The following CEP128 variants were observed in gnomAD, a reference collection of about 807,000 sequenced individuals.
CEP128 encodes the protein centrosomal protein 128, also known as centrosomal protein 128kDa.
Under a neutral mutation model 156.7 loss-of-function variants are expected in CEP128, and 132 were observed. That is an observed-to-expected ratio of 0.84 (90% CI 0.73 to 0.97). The LOEUF (loss-of-function observed/expected upper bound fraction) is 0.97, where lower values mean the gene tolerates loss of function less well. CEP128 is among the 50% of genes least tolerant of loss of function. CEP128 has a pLI of 0.00. For synonymous variants in CEP128, 469 were observed against 448.9 expected, an observed-to-expected ratio of 1.04 and a Z score of -0.57; for missense variants, 1,252 against 1,281.9, an observed-to-expected ratio of 0.98 and a Z score of 0.36.
intron 17 of CEP128, among the ~76,000 whole-genome samples, chr14:80,758,500 G>T (rs1375135681): frequency 6.7e-6 from 1 of 150,110 alleles, no homozygotes; most frequent in Admixed American, 6.7e-5. Context: ...CCAGTCTGGG[G>T]GACAAGAGAG....
intron 8 of CEP128, among the ~76,000 whole-genome samples, chr14:80,879,058 C>T (rs1269260169): frequency 6.6e-6 from 1 of 152,204 alleles, no homozygotes; most frequent in Non-Finnish European, 1.5e-5. Flanking sequence ...GCCTAGACCA[C>T]TGAGGCTCTG....
chr14:80,765,308 T>C (rs1191687412), intron 16 of CEP128, among the ~76,000 whole-genome samples: 1 of 152,232 alleles, frequency 6.6e-6, no homozygotes, highest in African/African-American at 2.4e-5. Flanking sequence ...ATGTGCTGAC[T>C]AAGCAAGCAC....
chr14:80,597,010 C>T (rs527617763), intron 19 of CEP128, among the ~76,000 whole-genome samples: 5 of 130,334 alleles, frequency 3.8e-5, no homozygotes, highest in African/African-American at 1.4e-4. Context: ...ACCTCAAGAA[C>T]CTTAAAAAAA....
chr14:80,748,200 C>T (rs186620675), intron 18 of CEP128, among the ~76,000 whole-genome samples: 1 of 152,254 alleles, frequency 6.6e-6, no homozygotes, highest in Admixed American at 6.5e-5. Flanking sequence ...TTGGGCTGTG[C>T]ACTTCCAATT....
intron 19 of CEP128, among the ~76,000 whole-genome samples, chr14:80,678,049 A>AAAAAAAAATATAT: frequency 1.0e-5 from 1 of 98,502 alleles, no homozygotes; most frequent in African/African-American, 3.2e-5. Context: ...ATAAAAAAAA[A>AAAAAAAAATATAT]ATATATATAT....
chr14:80,580,740 C>T (rs765936734), intron 19 of CEP128, among the ~76,000 whole-genome samples: 1 of 152,008 alleles, frequency 6.6e-6, no homozygotes, highest in South Asian at 2.1e-4. Context: ...TGGTCTCATG[C>T]TTATATAACT....
chr14:80,704,350 A>G (rs1423654797), intron 19 of CEP128, among the ~76,000 whole-genome samples: 1 of 152,108 alleles, frequency 6.6e-6, no homozygotes, highest in Non-Finnish European at 1.5e-5. Context: ...AAAAGATGCA[A>G]CATATTGTAT....
chr14:80,589,449 C>T (rs1315277653), intron 19 of CEP128, among the ~76,000 whole-genome samples: 1 of 151,974 alleles, frequency 6.6e-6, no homozygotes, highest in Non-Finnish European at 1.5e-5. Flanking sequence ...TATGGTATGC[C>T]ACATTCAATG....
At chr14:80,671,938 C>A (rs1415556196) in intron 19 of CEP128, among the ~76,000 whole-genome samples, 2 of 151,942 alleles carry the variant, frequency 1.3e-5, no homozygotes, top group Non-Finnish European at 2.9e-5. Flanking sequence ...TCAAAATTAT[C>A]CTCACATATC....
At chr14:80,715,366 C>T (rs899222565) in intron 19 of CEP128, among the ~76,000 whole-genome samples, 3 of 152,168 alleles carry the variant, frequency 2.0e-5, no homozygotes, top group African/African-American at 7.2e-5. Flanking sequence ...ATCCTATTCT[C>T]CCACAAGTCA....
At chr14:80,943,491 T>C (rs1244664910), upstream of CEP128, among the ~76,000 whole-genome samples, 2 of 152,208 alleles carry the variant, frequency 1.3e-5, no homozygotes, top group Non-Finnish European at 2.9e-5. Flanking sequence ...ATTTAGAGAA[T>C]TGGATTCTAT....
chr14:80,584,838 T>TCGAAAGAGC (rs1891749195), intron 19 of CEP128, among the ~76,000 whole-genome samples: 2 of 152,126 alleles, frequency 1.3e-5, no homozygotes, highest in Non-Finnish European at 2.9e-5. Context: ...CTTATCAGCA[T>TCGAAAGAGC]TGAAAGAGCT....
At chr14:80,740,610 T>C (rs1898782729) in intron 19 of CEP128, among the ~76,000 whole-genome samples, 1 of 152,114 alleles carries the variant, frequency 6.6e-6, no homozygotes, top group Admixed American at 6.6e-5. Flanking sequence ...AAGACACAGG[T>C]GTTAACCAAA....
chr14:80,657,115 A>T (rs1237394881), intron 19 of CEP128, among the ~76,000 whole-genome samples: 1 of 151,912 alleles, frequency 6.6e-6, no homozygotes, highest in Non-Finnish European at 1.5e-5. Context: ...AAAATTAGCC[A>T]TGCATGGTGG....
intron 19 of CEP128, among the ~76,000 whole-genome samples, chr14:80,594,671 A>C (rs1202251579): frequency 1.3e-5 from 2 of 152,246 alleles, no homozygotes; most frequent in Non-Finnish European, 2.9e-5. Flanking sequence ...GGATATGAAC[A>C]GACACTTCTC....
intron 20 of CEP128, among the ~76,000 whole-genome samples, chr14:80,564,876 T>C (rs746638428): frequency 5.3e-5 from 8 of 152,046 alleles, no homozygotes; most frequent in Middle Eastern, 3.2e-3. Flanking sequence ...CTGGCTAACA[T>C]GGCGAAACCC....
chr14:80,723,048 A>G (rs959772529), intron 19 of CEP128, among the ~76,000 whole-genome samples: 8 of 151,942 alleles, frequency 5.3e-5, no homozygotes, highest in Middle Eastern at 6.8e-3. Context: ...GGATGGTCTT[A>G]ATCTCCTGAC....
intron 19 of CEP128, among the ~76,000 whole-genome samples, chr14:80,700,348 C>CT (rs1897031941): frequency 6.6e-6 from 1 of 152,074 alleles, no homozygotes; most frequent in African/African-American, 2.4e-5. Flanking sequence ...GGGCTGGTCA[C>CT]TTATCTTGCA....
chr14:80,693,230 A>G (rs1896776745), intron 19 of CEP128, among the ~76,000 whole-genome samples: 1 of 152,134 alleles, frequency 6.6e-6, no homozygotes, highest in African/African-American at 2.4e-5. Context: ...TATCAGTTTC[A>G]ACCTGTTTTC....
Sources: gnomAD v4.1 joint callset for allele counts (sites outside exome capture counted in the v4.1 genomes callset) on GRCh38, gnomAD v4.1.1 for gene constraint, MANE v1.5 for transcripts, NCBI Gene and HGNC (gene_info 2026-07-23, HGNC 2026-07-21) for gene names.